CAMTA1: variants seen among roughly 807,000 people sequenced by gnomAD.
CAMTA1 encodes calmodulin binding transcription activator 1, also known as calmodulin-binding transcription activator 1.
Under a neutral mutation model 170.9 loss-of-function variants are expected in CAMTA1, and 27 were observed. The ratio of observed to expected loss-of-function variants is 0.16; its 90% CI spans 0.12 to 0.22. The LOEUF (loss-of-function observed/expected upper bound fraction) is 0.22. Ranked by LOEUF, CAMTA1 falls within the 10% of genes least tolerant of loss-of-function variation. The pLI is 1.00. For missense variants in CAMTA1, 1,619 were observed against 2,217.2 expected (o/e 0.73, Z 5.42); for synonymous variants, 833 against 891.5 (o/e 0.93, Z 1.17).
At chr1:7,495,988 G>T (rs1343859693) in intron 6 of CAMTA1, among the ~76,000 whole-genome samples, 1 of 152,138 alleles carries the variant, frequency 6.6e-6, no homozygotes. Context: ...AAAGCTCCTT[G>T]CTTGGCCCTC....
At position 7,199,678 on chromosome 1, in the gene CAMTA1, A is replaced by G. The variant is rs531187796; in HGVS notation, c.303-49813A>G. ...GAGTTTCTCAGTGTGGCTGAAATGTATCCAAGGACGCATGGGAACTGGCCG... is the reference window on the plus strand; with the variant it reads ...GAGTTTCTCAGTGTGGCTGAAATGTGTCCAAGGACGCATGGGAACTGGCCG... On this transcript the variant is annotated intron_variant, in intron 4 of 22. Transcript: ENST00000303635. Among the ~76,000 whole-genome samples, 3 of 149,502 alleles carry G rather than the reference A, an allele frequency of 2.0e-5. No individual in the cohort carries two copies. In the South Asian group the frequency reaches 6.5e-4, roughly 32 times the overall value.
intron 3 of CAMTA1, among the ~76,000 whole-genome samples, chr1:6,845,142 G>T (rs999405791): frequency 6.6e-6 from 1 of 152,094 alleles, no homozygotes; most frequent in African/African-American, 2.4e-5. Context: ...CTGCTAGAAC[G>T]GGACCACAAA....
rs923776500 is a variant in CAMTA1, at chr1:7,588,242, C to T, written c.511-52158C>T. Among the ~76,000 whole-genome samples the T allele has an allele frequency of 6.6e-6, 1 of 152,096 alleles. No individual in the cohort carries two copies. Among genetic ancestry groups the T allele is most frequent in the Non-Finnish European group, 1.5e-5 (1 of 68,050 alleles). On this transcript the variant is annotated intron_variant, in intron 6 of 22. Transcript: ENST00000303635. The surrounding 1 kb of genome is among the most constrained non-coding windows in gnomAD (Gnocchi z 5.8). ...GGACAAGCTCCTGTGGCCAGACAAC[C>T]CCCGCCCCAGTTCTCACTGCCTCTG...
At chr1:7,629,683 G>A (rs765230492) in intron 6 of CAMTA1, among the ~76,000 whole-genome samples, 17 of 152,124 alleles carry the variant, frequency 1.1e-4, no homozygotes, top group Non-Finnish European at 1.9e-4. Flanking sequence ...GGAGCTGCCT[G>A]CCCCTCCTCA....
chr1:7,423,705 CCTTG>C (rs2091718924), intron 5 of CAMTA1, among the ~76,000 whole-genome samples: 1 of 152,032 alleles, frequency 6.6e-6, no homozygotes, highest in Non-Finnish European at 1.5e-5. Flanking sequence ...CAACGACTTC[CCTTG>C]CTTACCTCCC....
chr1:7,112,941 T>C (rs1644151877), intron 4 of CAMTA1, among the ~76,000 whole-genome samples: 1 of 152,230 alleles, frequency 6.6e-6, no homozygotes, highest in Admixed American at 6.5e-5. Flanking sequence ...CCCTGTTGAA[T>C]GCGTTGATGC....
chr1:7,457,726 C>A (rs1285160688), intron 5 of CAMTA1, among the ~76,000 whole-genome samples: 1 of 152,188 alleles, frequency 6.6e-6, no homozygotes, highest in Admixed American at 6.5e-5. Flanking sequence ...CTCTCCATGA[C>A]CCCCCTGCAG....
At chr1:7,009,402 C>G (rs970613990) in intron 3 of CAMTA1, among the ~76,000 whole-genome samples, 33 of 152,186 alleles carry the variant, frequency 2.2e-4, no homozygotes, top group African/African-American at 7.5e-4. Context: ...TTCCAGGACC[C>G]AGGTCCAGCT....
rs144819993 is a variant in CAMTA1, at chr1:7,100,666, C to A, written c.302+9295C>A. Among the ~76,000 whole-genome samples the A allele has an allele frequency of 6.2e-3, 937 of 152,324 alleles. 2 individuals carry two copies. Among genetic ancestry groups the A allele is most frequent in the Middle Eastern group, 0.01 (3 of 294 alleles). ...TGAGGCCCCAGGTGCGCAGCCCGAC[C>A]CACACCAAGCCCCGGCGCTGGCCTC... On this transcript the variant is annotated intron_variant, in intron 4 of 22. Transcript: ENST00000303635.
At chr1:7,261,342 G>C (rs1668136365) in intron 5 of CAMTA1, among the ~76,000 whole-genome samples, 1 of 152,126 alleles carries the variant, frequency 6.6e-6, no homozygotes, top group Non-Finnish European at 1.5e-5. Flanking sequence ...CTCTGTTGAG[G>C]TCTATGTTTT....
chr1:7,663,292 ATG>A, intron 8 of CAMTA1, 59 bp from the exon 9 acceptor site: 5 of 1,505,568 alleles, frequency 3.3e-6, no homozygotes, highest in Admixed American at 2.3e-5. Context: ...TTGTGTGTGC[ATG>A]TGTGTGTGCA....
chr1:7,663,570 C>T lies in CAMTA1; in HGVS notation c.1023C>T (p.Thr341=), dbSNP rs767133603. 1.7e-5 allele frequency: 27 copies of T among 1,613,448 alleles called. No individual in the cohort carries two copies. The highest frequency in any genetic ancestry group is 4.0e-5 in the African/African-American group (3 of 74,916). Residue 341 remains threonine (T), a synonymous_variant, in exon 9 of 23, where the codon ACC becomes ACT. Coordinates refer to ENST00000303635, the MANE Select transcript of CAMTA1 (RefSeq NM_015215.4). ...AKPVLLHQSS[T]EVSSTNQVEV... ...CCGTGCTCCTGCACCAGAGCAGCAC[C>T]GAGGTCTCCTCCACCAACCAGGTGG...
chr1:6,859,609 G>A (rs1238215905), intron 3 of CAMTA1, among the ~76,000 whole-genome samples: 1 of 152,020 alleles, frequency 6.6e-6, no homozygotes, highest in African/African-American at 2.4e-5. Context: ...GGCAACATAG[G>A]GAGACCTGGC....
intron 3 of CAMTA1, among the ~76,000 whole-genome samples, chr1:6,985,448 A>G (rs529437149): frequency 2.6e-5 from 4 of 152,270 alleles, no homozygotes; most frequent in Non-Finnish European, 5.9e-5. Context: ...TTTACAATGC[A>G]GAATCTAATT....
intron 16 of CAMTA1, among the ~76,000 whole-genome samples, chr1:7,740,410 A>G (rs1191082046): frequency 6.6e-6 from 1 of 152,226 alleles, no homozygotes; most frequent in Admixed American, 6.5e-5. Flanking sequence ...ATCCTGTTTT[A>G]CACAATTCCT....
At chr1:7,356,468 G>A (rs1299311790) in intron 5 of CAMTA1, among the ~76,000 whole-genome samples, 1 of 152,206 alleles carries the variant, frequency 6.6e-6, no homozygotes, top group African/African-American at 2.4e-5. Flanking sequence ...TGAAAGATGT[G>A]TCCCCAGAGC....
At chr1:6,846,567 G>A (rs1320379415) in intron 3 of CAMTA1, among the ~76,000 whole-genome samples, 6 of 152,224 alleles carry the variant, frequency 3.9e-5, no homozygotes, top group Admixed American at 1.3e-4. Flanking sequence ...AACATTTTTA[G>A]CTGTAGTTAC....
rs141958514 is a variant in CAMTA1 at position 6,976,202 on chromosome 1, T to C, written c.235-115102T>C. ...GGCCCCGCTGAGTCTTTCTTGGGCT[T>C]CTTGGAAGAAGGCCACAAAGGTCAG... On this transcript the variant is annotated intron_variant, in intron 3 of 22. Transcript: ENST00000303635. 9.2e-5 allele frequency among the ~76,000 whole-genome samples: 14 copies of C among 152,300 alleles called. No individual in the cohort carries two copies. The East Asian group carries it at 2.7e-3, about 29-fold the overall frequency.
In CAMTA1 at chr1:6,903,509, C is replaced by G. The variant is rs189047960; in HGVS notation, c.234+78299C>G. ...ATCATTATGTGCATTTTGCATAACC[C>G]AAGTTTCTATGTGGTGCATCTTGTT... is the stretch of plus-strand genomic sequence containing the variant. On this transcript the variant is annotated intron_variant, in intron 3 of 22. Coordinates refer to ENST00000303635, the MANE Select transcript of CAMTA1 (RefSeq NM_015215.4). Among the ~76,000 whole-genome samples, 430 of 152,276 alleles carry G rather than the reference C, an allele frequency of 2.8e-3. 1 individual carries two copies. Among genetic ancestry groups the G allele is most frequent in the Non-Finnish European group, 4.7e-3 (323 of 68,032 alleles).
Sources: gnomAD v4.1 joint callset for allele counts (sites outside exome capture counted in the v4.1 genomes callset) on GRCh38, gnomAD v4.1.1 for gene constraint, Gnocchi (gnomAD v3.1) non-coding constraint, MANE v1.5 for transcripts, NCBI Gene and HGNC (gene_info 2026-07-23, HGNC 2026-07-21) for gene names.